The following CPZ variants were observed in gnomAD, a reference collection of about 807,000 sequenced individuals.
CPZ encodes carboxypeptidase Z.
A neutral mutation model predicts 61.8 loss-of-function variants in CPZ; 103 were observed. The ratio of observed to expected loss-of-function variants is 1.67; its 90% CI spans 1.42 to 1.96. CPZ has a LOEUF of 1.96. Among genes scored for constraint, CPZ ranks in the 30% most tolerant of loss-of-function variants. CPZ has a pLI of 0.00. For missense variants in CPZ, 1,461 were observed against 914.9 expected (o/e 1.60, Z -7.70); for synonymous variants, 551 against 373.7 (o/e 1.47, Z -5.47).
intron 5 of CPZ, 66 bp from the exon 6 acceptor site, chr4:8,606,671 C>A: frequency 1.3e-6 from 2 of 1,595,466 alleles, no homozygotes; most frequent in East Asian, 2.2e-5. Context: ...CAGCGTGAGA[C>A]CCATCTGGAA....
intron 1 of CPZ, among the ~76,000 whole-genome samples, chr4:8,593,570 A>C (rs374001826): frequency 6.6e-6 from 1 of 152,166 alleles, no homozygotes; most frequent in African/African-American, 2.4e-5. Flanking sequence ...GTCTGGCCTC[A>C]CGGCCTCTCC....
At position 8,607,360 on chromosome 4, in the gene CPZ, T is replaced by C; in HGVS notation, c.1162T>C (p.Tyr388His). 6.2e-7 allele frequency: 1 copy of C among 1,614,094 alleles called. No homozygotes were observed. The highest frequency in any genetic ancestry group is 8.5e-7 in the Non-Finnish European group (1 of 1,179,966). ...TCATGGGGGCGACCTGGTGGTGTCCTACCCCTTCGACTTCTCCAAGCACCC... is the reference window on the plus strand; with the variant it reads ...TCATGGGGGCGACCTGGTGGTGTCCCACCCCTTCGACTTCTCCAAGCACCC... ...SLHGGDLVVS[Y>H]PFDFSKHPQE... Residue 388 changes from tyrosine to histidine, a missense_variant, in exon 7 of 11, where the codon TAC becomes CAC. By Grantham distance (83) the Tyr-to-His change is moderately conservative. Coordinates refer to ENST00000360986, the MANE Select transcript of CPZ (RefSeq NM_001014447.3).
In CPZ at chr4:8,605,924, G is replaced by A. The variant is rs1560294498; in HGVS notation, c.710-65G>A. 11 of 1,509,816 alleles carry A rather than the reference G, an allele frequency of 7.3e-6. 1 individual carries two copies. In the South Asian group the frequency reaches 8.4e-5, roughly 12 times the overall value. 93.5% of individuals were successfully genotyped at this position (1,509,816 alleles called of 1,614,324 possible). ...TCTGGTCATTCTTGCTGAGTGGGGGGGCCTCATGCCTTTGGGGACCCCCGG... is the reference window on the plus strand; with the variant it reads ...TCTGGTCATTCTTGCTGAGTGGGGGAGCCTCATGCCTTTGGGGACCCCCGG... On this transcript the variant is annotated intron_variant, in intron 4 of 10. Coordinates refer to ENST00000360986, the MANE Select transcript of CPZ (RefSeq NM_001014447.3).
intron 7 of CPZ, among the ~76,000 whole-genome samples, chr4:8,608,624 G>A: frequency 6.6e-6 from 1 of 152,174 alleles, no homozygotes; most frequent in East Asian, 2.0e-4. Flanking sequence ...CAGGGCTGCA[G>A]GAGGGCTGTG....
intron 7 of CPZ, chr4:8,611,070 A>G (rs910187056): frequency 3.3e-5 from 12 of 361,694 alleles, no homozygotes; most frequent in Admixed American, 1.5e-4. Context: ...TCACTCATTC[A>G]CTCATTCATT....
At chr4:8,610,276 T>C (rs961417815) in intron 7 of CPZ, among the ~76,000 whole-genome samples, 2 of 152,248 alleles carry the variant, frequency 1.3e-5, no homozygotes, top group African/African-American at 4.8e-5. Context: ...ACAGCTCCTC[T>C]GATGTCCTTG....
chr4:8,605,586 G>C (rs74411240), intron 4 of CPZ, among the ~76,000 whole-genome samples: 2 of 102,790 alleles, frequency 1.9e-5, no homozygotes, highest in African/African-American at 1.2e-4. Context: ...CAGCCATCCA[G>C]CCAGCCATTA....
chr4:8,612,041 G>A lies in CPZ; in HGVS notation c.1242G>A (p.Leu414=). 6.2e-7 allele frequency: 1 copy of A among 1,614,008 alleles called. No individual in the cohort carries two copies. Among genetic ancestry groups the A allele is most frequent in the Non-Finnish European group, 8.5e-7 (1 of 1,180,026 alleles). The part of the protein sequence containing the change: ...PTPDEKMFKL[L]SRAYADVHPM... ...TTCTTTTCCAGATGTTCAAGCTGCT[G>A]TCCAGAGCCTACGCTGACGTCCACC... is the stretch of plus-strand genomic sequence containing the variant. Residue 414 remains leucine, a synonymous_variant, in exon 8 of 11, where the codon CTG becomes CTA. Coordinates refer to ENST00000360986, the MANE Select transcript of CPZ (RefSeq NM_001014447.3).
intron 4 of CPZ, 31 bp downstream of exon 4, chr4:8,604,219 C>T: frequency 6.7e-7 from 1 of 1,497,350 alleles, no homozygotes. Flanking sequence ...CTGGCCTGGC[C>T]CCGTTTCGGG....
chr4:8,601,528 C>T, intron 3 of CPZ, 31 bp downstream of exon 3: 1 of 1,437,426 alleles, frequency 7.0e-7, no homozygotes, highest in Non-Finnish European at 9.1e-7. Context: ...CCTGTGTGGT[C>T]ATGGGGTCCA....
At chr4:8,618,615 G>A (rs1384338271) in intron 10 of CPZ, 87 bp downstream of exon 10, 15 of 1,270,988 alleles carry the variant, frequency 1.2e-5, no homozygotes, top group Admixed American at 1.9e-5. Flanking sequence ...GGCACTCACA[G>A]TGTGCCCAGC....
At chr4:8,617,367 C>CGG (rs1252409482) in intron 9 of CPZ, among the ~76,000 whole-genome samples, 11 of 152,326 alleles carry the variant, frequency 7.2e-5, no homozygotes, top group Middle Eastern at 3.4e-3. Context: ...CAGCCCCTCT[C>CGG]GGGCTAATGT....
Position 8,619,622 on chromosome 4 carries a change from G to C in CPZ, c.*5G>C. 6.7e-7 allele frequency: 1 copy of C among 1,483,764 alleles called. No homozygotes were observed. Among genetic ancestry groups the C allele is most frequent in the Non-Finnish European group, 8.9e-7 (1 of 1,118,838 alleles). The allele number at this position is 1,483,764 out of a possible 1,614,324, so 91.9% of individuals were successfully genotyped here. ...CGCTGGCTGCTCAAGTACTAGCCCC[G>C]GCCCCAGCACCCGCCAGGATGTGGA... is the stretch of plus-strand genomic sequence containing the variant. On this transcript the variant is annotated 3_prime_UTR_variant, in exon 11 of 11. Coordinates refer to ENST00000360986, the MANE Select transcript of CPZ (RefSeq NM_001014447.3).
intron 7 of CPZ, among the ~76,000 whole-genome samples, chr4:8,608,445 G>T (rs1449623076): frequency 6.6e-6 from 1 of 152,188 alleles, no homozygotes; most frequent in Non-Finnish European, 1.5e-5. Context: ...CCACCCGGCC[G>T]AGCACATAGC....
Position 8,599,452 on chromosome 4 carries a change from G to T in CPZ, c.89-1G>T. The T allele has an allele frequency of 6.2e-7, 1 of 1,610,254 alleles. No individual in the cohort carries two copies. Among genetic ancestry groups the T allele is most frequent in the Non-Finnish European group, 8.5e-7 (1 of 1,177,692 alleles). On this transcript the variant is annotated splice_acceptor_variant, in intron 1 of 10. Transcript: ENST00000360986. LOFTEE classifies it high-confidence loss of function. ...TAACAGTGCCATGTCTCTCTTTCCA[G>T]GTGAATGCCACAGGCCACCAGCTGC...
chr4:8,610,068 G>A (rs888262319), intron 7 of CPZ, among the ~76,000 whole-genome samples: 1 of 152,208 alleles, frequency 6.6e-6, no homozygotes, highest in South Asian at 2.1e-4. Context: ...CCCCTTTCTG[G>A]CTTTGCCAAC....
At chr4:8,615,287 G>T (rs7678562) in intron 9 of CPZ, among the ~76,000 whole-genome samples, 2 of 152,104 alleles carry the variant, frequency 1.3e-5, no homozygotes, top group Admixed American at 6.5e-5. Flanking sequence ...CACTCAGTGT[G>T]AGAGTGGGGA....
chr4:8,595,326 G>A (rs1714098573), intron 1 of CPZ, among the ~76,000 whole-genome samples: 1 of 152,228 alleles, frequency 6.6e-6, no homozygotes, highest in South Asian at 2.1e-4. Flanking sequence ...CTGTGCGTTT[G>A]CAAGTCTGCA....
chr4:8,613,408 G>T (rs1715882784), intron 8 of CPZ, among the ~76,000 whole-genome samples: 1 of 152,208 alleles, frequency 6.6e-6, no homozygotes, highest in Admixed American at 6.5e-5. Context: ...GGGATTATAG[G>T]CGTGAGCCAC....
Sources: gnomAD v4.1 joint callset for allele counts (sites outside exome capture counted in the v4.1 genomes callset) on GRCh38, gnomAD v4.1.1 for gene constraint, MANE v1.5 for transcripts, NCBI Gene and HGNC (gene_info 2026-07-23, HGNC 2026-07-21) for gene names.